BCL2: variants seen among roughly 807,000 people sequenced by gnomAD.
BCL2 encodes the protein BCL2 apoptosis regulator.
In BCL2, 1 loss-of-function variant was observed where a neutral mutation model predicts 14.2. The observed-to-expected ratio is 0.07, with a 90% CI of 0.02 to 0.33. The LOEUF (loss-of-function observed/expected upper bound fraction) is 0.33, where lower values mean the gene tolerates loss of function less well. BCL2 is among the 10% of genes least tolerant of loss of function. The pLI, the probability that BCL2 is intolerant of heterozygous loss-of-function variation, is 0.99. For missense variants in BCL2, 247 were observed against 305.9 expected (o/e 0.81, Z 1.44); for synonymous variants, 151 against 137.2 (o/e 1.10, Z -0.70).
chr18:63,166,311 G>A (rs771492232), intron 2 of BCL2, among the ~76,000 whole-genome samples: 2 of 152,210 alleles, frequency 1.3e-5, no homozygotes, highest in Non-Finnish European at 2.9e-5. Context: ...CTTGGAAGAC[G>A]AGAGGATTTG....
chr18:63,174,340 A>G (rs1423527963), intron 2 of BCL2, among the ~76,000 whole-genome samples: 2 of 152,088 alleles, frequency 1.3e-5, no homozygotes, highest in Non-Finnish European at 2.9e-5. Flanking sequence ...GTACGCATGG[A>G]CGGGTGGATG....
chr18:63,178,095 T>C (rs1364984665), intron 2 of BCL2, among the ~76,000 whole-genome samples: 1 of 152,198 alleles, frequency 6.6e-6, no homozygotes, highest in African/African-American at 2.4e-5. Flanking sequence ...AGAGGCCTCA[T>C]GATAAATCAG....
intron 2 of BCL2, among the ~76,000 whole-genome samples, chr18:63,200,809 G>C (rs1267205095): frequency 1.3e-5 from 2 of 152,066 alleles, no homozygotes; most frequent in African/African-American, 4.8e-5. Context: ...TTTTTATAGA[G>C]ATGGGGTCTC....
intron 2 of BCL2, among the ~76,000 whole-genome samples, chr18:63,140,785 G>A (rs1568213905): frequency 6.6e-6 from 1 of 152,128 alleles, no homozygotes; most frequent in Non-Finnish European, 1.5e-5. Flanking sequence ...CACTTTAAAT[G>A]GAATTTTATG....
chr18:63,212,123 C>G (rs34479040), intron 2 of BCL2, among the ~76,000 whole-genome samples: 1 of 151,694 alleles, frequency 6.6e-6, no homozygotes, highest in Non-Finnish European at 1.5e-5. Flanking sequence ...GTCAGGAGTT[C>G]GAGACCATCC....
intron 2 of BCL2, among the ~76,000 whole-genome samples, chr18:63,231,747 T>C (rs9965425): frequency 0.085 from 12,906 of 152,022 alleles, 577 homozygotes; most frequent in South Asian, 0.16. Flanking sequence ...GATTCCACAA[T>C]TTCAACATCA....
intron 2 of BCL2, among the ~76,000 whole-genome samples, chr18:63,246,607 CAT>C (rs916736236): frequency 4.6e-5 from 7 of 152,180 alleles, no homozygotes; most frequent in Non-Finnish European, 7.3e-5. Context: ...CCTCCCATGA[CAT>C]GTGGGAATTG....
At chr18:63,294,912 G>C (rs567485483) in intron 2 of BCL2, among the ~76,000 whole-genome samples, 1 of 151,176 alleles carries the variant, frequency 6.6e-6, no homozygotes, top group Non-Finnish European at 1.5e-5. Flanking sequence ...TGTAATCCCA[G>C]AACTTTGGGA....
At chr18:63,142,727 G>A (rs1373551188) in intron 2 of BCL2, among the ~76,000 whole-genome samples, 1 of 152,200 alleles carries the variant, frequency 6.6e-6, no homozygotes, top group Non-Finnish European at 1.5e-5. Context: ...GTGCTCTGGG[G>A]GACAAGGGGA....
In BCL2 at chr18:63,200,610, C is replaced by A. The variant is rs1035650009; in HGVS notation, c.586-71851G>T. On this transcript the variant is annotated intron_variant, in intron 2 of 2. Transcript: ENST00000333681. ...GGCAGTGGGCCATGGGATGGGAAAA[C>A]AAATCAAGCTTTATTTTTTGTTTTG... 2.6e-5 allele frequency among the ~76,000 whole-genome samples: 4 copies of A among 152,118 alleles called. No individual in the cohort carries two copies. In the East Asian group the frequency reaches 7.7e-4, roughly 29 times the overall value.
intron 2 of BCL2, among the ~76,000 whole-genome samples, chr18:63,146,946 C>T (rs939043849): frequency 6.6e-6 from 1 of 152,224 alleles, no homozygotes; most frequent in Non-Finnish European, 1.5e-5. Context: ...TCACTGCCAT[C>T]ATGTCTACAA....
chr18:63,135,017 C>A (rs921136553), intron 2 of BCL2, among the ~76,000 whole-genome samples: 1 of 152,218 alleles, frequency 6.6e-6, no homozygotes, highest in Non-Finnish European at 1.5e-5. Flanking sequence ...AAAGTATGTT[C>A]AGATTCCCTG....
At chr18:63,184,542 G>A (rs1405791444) in intron 2 of BCL2, among the ~76,000 whole-genome samples, 1 of 152,186 alleles carries the variant, frequency 6.6e-6, no homozygotes, top group African/African-American at 2.4e-5. Flanking sequence ...AATCTCTTTA[G>A]GGAAATTTTG....
chr18:63,168,865 C>A (rs529381502), intron 2 of BCL2, among the ~76,000 whole-genome samples: 4 of 152,328 alleles, frequency 2.6e-5, no homozygotes, highest in African/African-American at 9.6e-5. Context: ...TGCACTTTCC[C>A]TATTGGAATC....
intron 2 of BCL2, among the ~76,000 whole-genome samples, chr18:63,295,986 A>C (rs1912785607): frequency 6.6e-6 from 1 of 152,022 alleles, no homozygotes; most frequent in Non-Finnish European, 1.5e-5. Context: ...TCTCACCCTG[A>C]CCCTGCCCTT....
At chr18:63,284,243 G>A (rs1912400610) in intron 2 of BCL2, among the ~76,000 whole-genome samples, 3 of 152,190 alleles carry the variant, frequency 2.0e-5, no homozygotes, top group Admixed American at 2.0e-4. Context: ...GATGTTAATG[G>A]AAGCCCTTTG....
At chr18:63,137,087 T>C (rs773863679) in intron 2 of BCL2, among the ~76,000 whole-genome samples, 2 of 152,244 alleles carry the variant, frequency 1.3e-5, no homozygotes, top group African/African-American at 4.8e-5. Flanking sequence ...GCCAGAGTGA[T>C]CCATTCAGAA....
chr18:63,247,656 G>A (rs1468499367), intron 2 of BCL2, among the ~76,000 whole-genome samples: 3 of 152,138 alleles, frequency 2.0e-5, no homozygotes, highest in South Asian at 2.1e-4. Context: ...TGCGGCTGGT[G>A]GAGAGCGTCC....
intron 2 of BCL2, among the ~76,000 whole-genome samples, chr18:63,200,577 A>T (rs575534929): frequency 6.6e-6 from 1 of 152,326 alleles, no homozygotes; most frequent in South Asian, 2.1e-4. Flanking sequence ...GCCAAAAATG[A>T]TAGAGTTGGC....
Sources: gnomAD v4.1 joint callset for allele counts (sites outside exome capture counted in the v4.1 genomes callset) on GRCh38, gnomAD v4.1.1 for gene constraint, MANE v1.5 for transcripts, NCBI Gene and HGNC (gene_info 2026-07-23, HGNC 2026-07-21) for gene names.